FAHD2A: variants seen among roughly 807,000 people sequenced by gnomAD.
FAHD2A encodes oxaloacetate tautomerase FAHD2A, mitochondrial.
FAHD2A carries 27 observed loss-of-function variants against 33.4 expected under a neutral mutation model. The ratio of observed to expected loss-of-function variants is 0.81; its 90% confidence interval spans 0.60 to 1.11. FAHD2A has a LOEUF of 1.11. Ranked by LOEUF, FAHD2A falls within the 50% of genes most tolerant of loss-of-function variation. The pLI is 0.00. For missense variants in FAHD2A, 296 were observed against 395.0 expected (o/e 0.75, Z 2.12); for synonymous variants, 130 against 153.3 (o/e 0.85, Z 1.12).
At chr2:95,419,729 T>G (rs549766390), downstream of FAHD2A, among the ~76,000 whole-genome samples, 1 of 151,812 alleles carries the variant, frequency 6.6e-6, no homozygotes, top group Non-Finnish European at 1.5e-5. Context: ...ACAGAATTAA[T>G]ACAACGTAGA....
At chr2:95,404,767 C>T (rs771316586) in intron 1 of FAHD2A, among the ~76,000 whole-genome samples, 6 of 152,232 alleles carry the variant, frequency 3.9e-5, no homozygotes, top group Non-Finnish European at 7.3e-5. Context: ...CAGACATGTG[C>T]CCTGGACCCA....
Position 95,402,828 on chromosome 2 carries a change from C to T in FAHD2A, c.-51C>T, listed in dbSNP as rs1313917969. 1.3e-5 allele frequency: 2 copies of T among 152,420 alleles called. No individual in the cohort carries two copies. The highest frequency in any genetic ancestry group is 2.4e-5 in the African/African-American group (1 of 41,474). The allele number at this position is 152,420 out of a possible 1,614,324, so 9.4% of individuals were successfully genotyped here. On this transcript the variant is annotated 5_prime_UTR_variant, in exon 1 of 8. Transcript: ENST00000233379. ...CCGCCGCCCTTGACCTTCGGCCCCGCGAGCTCTAACCCTACAGCGCAGGAA... is the reference window on the plus strand; with the variant it reads ...CCGCCGCCCTTGACCTTCGGCCCCGTGAGCTCTAACCCTACAGCGCAGGAA...
intron 3 of FAHD2A, among the ~76,000 whole-genome samples, chr2:95,410,223 A>C (rs1404367713): frequency 6.6e-6 from 1 of 152,208 alleles, no homozygotes; most frequent in African/African-American, 2.4e-5. Flanking sequence ...ATCCTTTGTT[A>C]AAAGTATCCA....
At chr2:95,402,963 C>T (rs1193489694) in intron 1 of FAHD2A, 91 bp downstream of exon 1, 2 of 152,442 alleles carry the variant, frequency 1.3e-5, no homozygotes, top group African/African-American at 2.4e-5. Flanking sequence ...TCCCCAGCCG[C>T]TTCTGACCAC....
In FAHD2A at chr2:95,409,863, T is replaced by C. The variant is rs1278421944; in HGVS notation, c.463-664T>C. On this transcript the variant is annotated intron_variant, in intron 3 of 7. Transcript: ENST00000233379. ...TGGCCAAGATGTTCTAGGCTTATCA[T>C]GTACTGTCTGTCTTGGAACTGGAAT... Among the ~76,000 whole-genome samples, 3 of 152,342 alleles carry C rather than the reference T, an allele frequency of 2.0e-5. No homozygotes were observed. The South Asian group carries it at 6.2e-4, about 32-fold the overall frequency.
intron 3 of FAHD2A, among the ~76,000 whole-genome samples, chr2:95,408,165 T>C (rs1681923595): frequency 6.6e-6 from 1 of 151,892 alleles, no homozygotes; most frequent in Non-Finnish European, 1.5e-5. Flanking sequence ...GACAATGGCT[T>C]GCATGACCAT....
Position 95,413,677 on chromosome 2 carries a change from T to C in FAHD2A, c.*720T>C. The C allele has an allele frequency of 1.7e-6, 2 of 1,184,204 alleles. No individual in the cohort carries two copies. Among genetic ancestry groups the C allele is most frequent in the South Asian group, 3.3e-5 (2 of 60,604 alleles). 73.4% of individuals were successfully genotyped at this position (1,184,204 alleles called of 1,614,324 possible). ...ACCTGCCTTGAGACCTCTGACCCCTTAGGCCTCAGTGTTTGAGTGCAAATG... is the reference window on the plus strand; with the variant it reads ...ACCTGCCTTGAGACCTCTGACCCCTCAGGCCTCAGTGTTTGAGTGCAAATG... On this transcript the variant is annotated 3_prime_UTR_variant, in exon 8 of 8. Transcript: ENST00000233379.
rs1573591008 is a variant in FAHD2A at position 95,414,920 on chromosome 2, AAAC to A, written c.*1966_*1968del. 1 of 152,546 alleles carries A rather than the reference AAAC, an allele frequency of 6.6e-6. No homozygotes were observed. The highest frequency in any genetic ancestry group is 1.9e-4 in the East Asian group (1 of 5,168). The allele number at this position is 152,546 out of a possible 1,614,324, so 9.4% of individuals were successfully genotyped here. A position where few individuals can be genotyped will look rare whatever the true frequency, so the allele number is the denominator to read the frequency against. ...AAAGGCTTTCTTAAAAAAAAACAAA[AAAC>A]AAAACCAATAACTCAGTAAGCAGAT... On this transcript the variant is annotated 3_prime_UTR_variant, in exon 8 of 8. Transcript: ENST00000233379.
chr2:95,410,318 G>A (rs1227973544), intron 3 of FAHD2A, among the ~76,000 whole-genome samples: 2 of 152,214 alleles, frequency 1.3e-5, no homozygotes, highest in Non-Finnish European at 2.9e-5. Context: ...ATCCCATGAT[G>A]CTGTCTGCCA....
In FAHD2A at chr2:95,414,131, G is replaced by GA. The variant is rs1302652398; in HGVS notation, c.*1176dup. The GA allele has an allele frequency of 2.0e-5, 30 of 1,510,994 alleles. No individual in the cohort carries two copies. The highest frequency in any genetic ancestry group is 2.6e-5 in the Non-Finnish European group (29 of 1,104,636). The allele number at this position is 1,510,994 out of a possible 1,614,324, so 93.6% of individuals were successfully genotyped here. ...GGAGGGATAGATCTCCGACTGGACA[G>GA]AAGACTACTCTGCAGCCCGCCTTCC... On this transcript the variant is annotated 3_prime_UTR_variant, in exon 8 of 8. Coordinates refer to ENST00000233379, the MANE Select transcript of FAHD2A (RefSeq NM_016044.3).
At chr2:95,407,231 A>C (rs1384950968) in intron 3 of FAHD2A, 74 bp downstream of exon 3, 3 of 1,566,096 alleles carry the variant, frequency 1.9e-6, no homozygotes, top group Middle Eastern at 2.4e-4. Flanking sequence ...TATTGAGCCT[A>C]CTGGAGCCAC....
chr2:95,419,917 G>T (rs1409413769), downstream of FAHD2A, among the ~76,000 whole-genome samples: 1 of 151,938 alleles, frequency 6.6e-6, no homozygotes, highest in African/African-American at 2.4e-5. Flanking sequence ...GAATTCCCAA[G>T]ATCTGCCATC....
rs776318436 is a variant in FAHD2A, at chr2:95,412,725, A to G, written c.843A>G (p.Pro281=). The part of the protein sequence containing the change: ...PGDVILTGTP[P]GVGVFRKPPV... Reference sequence around the variant, plus strand: ...ATGTCATCCTAACTGGGACCCCCCCAGGTGTCGGTGTATTCAGGAAACCTC... The same window carrying G: ...ATGTCATCCTAACTGGGACCCCCCCGGGTGTCGGTGTATTCAGGAAACCTC... The change falls in exon 7 of 8, where the codon CCA becomes CCG. Residue 281 remains proline (P), a synonymous_variant. Transcript: ENST00000233379. 40 of 1,614,012 alleles carry G rather than the reference A, an allele frequency of 2.5e-5. No individual in the cohort carries two copies. In the Admixed American group the frequency reaches 6.7e-4, roughly 27 times the overall value.
rs1457205360 is a variant in FAHD2A at position 95,415,486 on chromosome 2, A to T, written c.*2529A>T. On this transcript the variant is annotated 3_prime_UTR_variant, in exon 8 of 8. Transcript: ENST00000233379. ...AGGAACATGTGAGATGAAGCATGTT[A>T]TGTTATTAGGCATTCTCTTGATTCG... 1 of 152,514 alleles carries T rather than the reference A, an allele frequency of 6.6e-6. No individual in the cohort carries two copies. Among genetic ancestry groups the T allele is most frequent in the South Asian group, 2.1e-4 (1 of 4,822 alleles). 9.4% of individuals were successfully genotyped at this position (152,514 alleles called of 1,614,324 possible).
rs1681382718 is a variant in FAHD2A, at chr2:95,405,535, C to A, written c.-6-18C>A. ...TCTGGGATCCTCTGTCTCCTGGATC[C>A]TGCATTTTTCTCTGCAGGCTCTGAT... On this transcript the variant is annotated intron_variant, in intron 1 of 7. Coordinates refer to ENST00000233379, the MANE Select transcript of FAHD2A (RefSeq NM_016044.3). 6.3e-7 allele frequency: 1 copy of A among 1,598,508 alleles called. No homozygotes were observed. The highest frequency in any genetic ancestry group is 8.6e-7 in the Non-Finnish European group (1 of 1,169,560).
rs1261550097 is a variant in FAHD2A at position 95,412,665 on chromosome 2, G to A, written c.795-12G>A. 2 of 1,613,908 alleles carry A rather than the reference G, an allele frequency of 1.2e-6. No individual in the cohort carries two copies. Among genetic ancestry groups the A allele is most frequent in the South Asian group, 1.1e-5 (1 of 91,064 alleles). On this transcript the variant is annotated splice_polypyrimidine_tract_variant and intron_variant, in intron 6 of 7. Coordinates refer to ENST00000233379, the MANE Select transcript of FAHD2A (RefSeq NM_016044.3). ...GCCCCTGGTCTCACCGGGTCCTTCT[G>A]CTTTGATCCAGGTTTGTTACCTTTT...
At chr2:95,404,562 T>C (rs1681228713) in intron 1 of FAHD2A, among the ~76,000 whole-genome samples, 1 of 152,142 alleles carries the variant, frequency 6.6e-6, no homozygotes, top group Non-Finnish European at 1.5e-5. Context: ...CCCAAATTGT[T>C]AGGGATATCA....
In FAHD2A at chr2:95,411,064, G is replaced by A. The variant is rs1265870056; in HGVS notation, c.685+38G>A. The A allele has an allele frequency of 1.2e-5, 20 of 1,610,838 alleles. 1 individual carries two copies. In the Admixed American group the frequency reaches 3.3e-4, roughly 27 times the overall value. ...TCCCTGCCCCCTTATACCTACCATT[G>A]CACAGATGAACAGCGCTTCAGGGAG... On this transcript the variant is annotated intron_variant, in intron 5 of 7. Coordinates refer to ENST00000233379, the MANE Select transcript of FAHD2A (RefSeq NM_016044.3).
chr2:95,413,854 A>G lies in FAHD2A; in HGVS notation c.*897A>G. 2 of 783,454 alleles carry G rather than the reference A, an allele frequency of 2.6e-6. No individual in the cohort carries two copies. The highest frequency in any genetic ancestry group is 1.6e-5 in the South Asian group (1 of 63,198). The allele number at this position is 783,454 out of a possible 1,614,324, so 48.5% of individuals were successfully genotyped here. A position where few individuals can be genotyped will look rare whatever the true frequency, so the allele number is the denominator to read the frequency against. Reference sequence around the variant, plus strand: ...AATCCCAGGGTCTTAATGAGGCACCATCAGGCCAGCCCTGTGGGGTGATGG... The same window carrying G: ...AATCCCAGGGTCTTAATGAGGCACCGTCAGGCCAGCCCTGTGGGGTGATGG... On this transcript the variant is annotated 3_prime_UTR_variant, in exon 8 of 8. Transcript: ENST00000233379.
Sources: allele counts gnomAD v4.1 joint callset (sites outside exome capture counted in the v4.1 genomes callset), GRCh38; gene constraint gnomAD v4.1.1; transcripts MANE v1.5; gene names NCBI Gene and HGNC (gene_info 2026-07-23, HGNC 2026-07-21).